EXOC6B: variants seen among roughly 807,000 people sequenced by gnomAD.
The protein encoded by EXOC6B is exocyst complex component 6B.
Under a neutral mutation model 113.5 loss-of-function variants are expected in EXOC6B, and 54 were observed. That is an observed-to-expected ratio of 0.48 (90% confidence interval 0.38 to 0.60). EXOC6B has a LOEUF of 0.60. Among genes scored for constraint, EXOC6B ranks in the 20% least tolerant of loss-of-function variants. The pLI, the probability that EXOC6B is intolerant of heterozygous loss-of-function variation, is 0.00. For synonymous variants in EXOC6B, 357 were observed against 339.0 expected (o/e 1.05, Z -0.58); for missense variants, 797 against 977.5 (o/e 0.82, Z 2.46).
chr2:72,298,042 T>C (rs111530767), intron 20 of EXOC6B, among the ~76,000 whole-genome samples: 1,853 of 152,308 alleles, frequency 0.012, 47 homozygotes, highest in African/African-American at 0.042. Context: ...CTGAATATCC[T>C]TGTTAATTTT....
chr2:72,750,256 A>G (rs1305418774), intron 1 of EXOC6B, among the ~76,000 whole-genome samples: 1 of 152,112 alleles, frequency 6.6e-6, no homozygotes, highest in Non-Finnish European at 1.5e-5. Context: ...GGATGGATGG[A>G]AAGGCATCAG....
chr2:72,442,323 T>C (rs1275936837), intron 18 of EXOC6B, among the ~76,000 whole-genome samples: 3 of 150,822 alleles, frequency 2.0e-5, no homozygotes, highest in Admixed American at 2.0e-4. Context: ...CTGAACACAT[T>C]CCCCCCCGCA....
intron 8 of EXOC6B, among the ~76,000 whole-genome samples, chr2:72,543,536 ACT>A (rs1372105937): frequency 1.3e-5 from 2 of 151,924 alleles, no homozygotes; most frequent in Non-Finnish European, 2.9e-5. Flanking sequence ...ACAAACACAC[ACT>A]CTCTCTTTTT....
chr2:72,673,099 T>C (rs1676023474), intron 6 of EXOC6B, among the ~76,000 whole-genome samples: 1 of 152,062 alleles, frequency 6.6e-6, no homozygotes, highest in South Asian at 2.1e-4. Context: ...AAAAAACAAT[T>C]AAAATAGCAA....
At chr2:72,614,022 A>C (rs1671238983) in intron 6 of EXOC6B, among the ~76,000 whole-genome samples, 1 of 152,104 alleles carries the variant, frequency 6.6e-6, no homozygotes, top group Admixed American at 6.6e-5. Context: ...GCTTTCCACA[A>C]ACCACAAAAG....
chr2:72,634,291 C>T (rs1262024483), intron 6 of EXOC6B, among the ~76,000 whole-genome samples: 2 of 152,138 alleles, frequency 1.3e-5, no homozygotes, highest in Non-Finnish European at 2.9e-5. Context: ...GTAAAAAATG[C>T]TAATGAAAAA....
chr2:72,708,896 A>ATTTTT (rs1159794341), intron 6 of EXOC6B, among the ~76,000 whole-genome samples: 73 of 69,804 alleles, frequency 1.0e-3, no homozygotes, highest in Non-Finnish European at 1.1e-3. Context: ...CATCCAGCTA[A>ATTTTT]TTTTTTTTTT....
chr2:72,744,263 T>C (rs987215107), intron 1 of EXOC6B, among the ~76,000 whole-genome samples: 3 of 152,200 alleles, frequency 2.0e-5, no homozygotes, highest in Admixed American at 6.5e-5. Flanking sequence ...CTAAGCAACA[T>C]ATGACTGTAC....
At chr2:72,760,032 T>G (rs1365170383) in intron 1 of EXOC6B, among the ~76,000 whole-genome samples, 1 of 152,180 alleles carries the variant, frequency 6.6e-6, no homozygotes, top group Non-Finnish European at 1.5e-5. Context: ...GAAACACCAG[T>G]GAAAACCAAG....
chr2:72,317,471 T>C (rs146211738), intron 20 of EXOC6B, among the ~76,000 whole-genome samples: 3 of 152,092 alleles, frequency 2.0e-5, no homozygotes, highest in African/African-American at 7.2e-5. Context: ...CCTTGTCCCA[T>C]TTAATTATTT....
At chr2:72,672,612 G>C (rs1402285661) in intron 6 of EXOC6B, among the ~76,000 whole-genome samples, 1 of 151,722 alleles carries the variant, frequency 6.6e-6, no homozygotes, top group Non-Finnish European at 1.5e-5. Flanking sequence ...ATACACAATG[G>C]AATACTACTC....
chr2:72,456,157 G>A (rs1019325388), intron 18 of EXOC6B, among the ~76,000 whole-genome samples: 2 of 152,104 alleles, frequency 1.3e-5, no homozygotes, highest in African/African-American at 4.8e-5. Context: ...AAGTAATAAT[G>A]AATGCAAGGC....
chr2:72,691,439 G>T (rs776901800), intron 6 of EXOC6B, among the ~76,000 whole-genome samples: 13 of 150,878 alleles, frequency 8.6e-5, no homozygotes, highest in Non-Finnish European at 1.6e-4. Flanking sequence ...ATTAACGGAG[G>T]GACCAAAATT....
chr2:72,610,000 T>G (rs960712482), intron 6 of EXOC6B, among the ~76,000 whole-genome samples: 2 of 152,076 alleles, frequency 1.3e-5, no homozygotes, highest in Admixed American at 6.6e-5. Context: ...AGAATCTTGA[T>G]CTGGTGAAGA....
intron 6 of EXOC6B, among the ~76,000 whole-genome samples, chr2:72,702,856 C>A (rs1678534055): frequency 2.7e-5 from 4 of 147,678 alleles, no homozygotes; most frequent in African/African-American, 9.9e-5. Context: ...TGAAAATTTT[C>A]TCCCATTTTG....
At chr2:72,564,938 A>G (rs1704077346) in intron 7 of EXOC6B, among the ~76,000 whole-genome samples, 1 of 152,150 alleles carries the variant, frequency 6.6e-6, no homozygotes, top group Admixed American at 6.6e-5. Context: ...TTAATTACTC[A>G]AGTGTTTGCA....
intron 18 of EXOC6B, among the ~76,000 whole-genome samples, chr2:72,456,800 G>A (rs768385170): frequency 6.6e-6 from 1 of 152,032 alleles, no homozygotes; most frequent in South Asian, 2.1e-4. Flanking sequence ...CCTGAATAAA[G>A]TACACAAATG....
chr2:72,479,798 C>T (rs1698966812), intron 17 of EXOC6B, among the ~76,000 whole-genome samples: 1 of 152,084 alleles, frequency 6.6e-6, no homozygotes, highest in South Asian at 2.1e-4. Context: ...GTCATTTCTT[C>T]CCATTTGATC....
chr2:72,690,352 C>T (rs1677395910), intron 6 of EXOC6B, among the ~76,000 whole-genome samples: 1 of 152,132 alleles, frequency 6.6e-6, no homozygotes, highest in Admixed American at 6.6e-5. Flanking sequence ...CTTTATTAAG[C>T]AGAATATCTT....
Sources: allele counts gnomAD v4.1 joint callset (sites outside exome capture counted in the v4.1 genomes callset), GRCh38; gene constraint gnomAD v4.1.1; transcripts MANE v1.5; gene names NCBI Gene and HGNC (gene_info 2026-07-23, HGNC 2026-07-21).